Variants in RAP1GAP2 observed in about 807,000 individuals in gnomAD.
RAP1GAP2 encodes RAP1 GTPase activating protein 2.
A neutral mutation model predicts 95.0 loss-of-function variants in RAP1GAP2; 27 were observed. The ratio of observed to expected loss-of-function variants is 0.28; its 90% confidence interval spans 0.21 to 0.39. The LOEUF (loss-of-function observed/expected upper bound fraction) is 0.39. Ranked by LOEUF, RAP1GAP2 falls within the 10% of genes least tolerant of loss-of-function variation. The pLI, the probability that RAP1GAP2 is intolerant of heterozygous loss-of-function variation, is 1.00. For missense variants in RAP1GAP2, 771 were observed against 970.0 expected (o/e 0.79, Z 2.72); for synonymous variants, 373 against 380.9 (o/e 0.98, Z 0.24).
At position 2,965,146 on chromosome 17, in the gene RAP1GAP2, TC is replaced by T. The variant is rs1238759199; in HGVS notation, c.493-393del. ...GCCCCATGGGAATGAGAATGTGGAC[TC>T]GGTATCTTGTGGTTAAGAACTTGCC... On this transcript the variant is annotated intron_variant, in intron 7 of 24. Coordinates refer to ENST00000254695, the MANE Select transcript of RAP1GAP2 (RefSeq NM_015085.5). The surrounding 1 kb of genome is among the most constrained non-coding windows in gnomAD (Gnocchi z 4.7). 4 of 201,748 alleles carry T rather than the reference TC, an allele frequency of 2.0e-5. No homozygotes were observed. The highest frequency in any genetic ancestry group is 3.1e-5 in the Non-Finnish European group (3 of 97,222). 12.5% of individuals were successfully genotyped at this position (201,748 alleles called of 1,614,324 possible).
chr17:3,032,317 C>G, intron 23 of RAP1GAP2, 94 bp from the exon 24 acceptor site: 1 of 1,439,856 alleles, frequency 6.9e-7, no homozygotes, highest in South Asian at 1.2e-5. Context: ...CCTGAGCTCA[C>G]CAGACTGTTG....
chr17:2,853,256 C>A (rs1174770317), intron 2 of RAP1GAP2, among the ~76,000 whole-genome samples: 2 of 151,936 alleles, frequency 1.3e-5, no homozygotes. Flanking sequence ...CGAGCCGGGG[C>A]GGGCGCCGGG....
chr17:3,001,983 T>TG (rs1319416116), intron 14 of RAP1GAP2, among the ~76,000 whole-genome samples: 2 of 151,588 alleles, frequency 1.3e-5, no homozygotes, highest in Admixed American at 1.3e-4. Context: ...TTTTTTTTTT[T>TG]TGAGACAGTC....
intron 8 of RAP1GAP2, among the ~76,000 whole-genome samples, chr17:2,969,496 C>T (rs371849717): frequency 1.0e-3 from 85 of 83,752 alleles, no homozygotes; most frequent in South Asian, 2.0e-3. Context: ...TATATATATT[C>T]TTTTTTTTTT....
intron 19 of RAP1GAP2, among the ~76,000 whole-genome samples, chr17:3,025,593 G>C (rs1010759817): frequency 6.6e-6 from 1 of 152,200 alleles, no homozygotes; most frequent in Non-Finnish European, 1.5e-5. Flanking sequence ...CTTCCCAGGA[G>C]TCCATGTGTA....
intron 2 of RAP1GAP2, among the ~76,000 whole-genome samples, chr17:2,835,251 G>T (rs886486015): frequency 1.3e-5 from 2 of 150,798 alleles, no homozygotes; most frequent in East Asian, 3.9e-4. Context: ...ATGGAGTCTC[G>T]CTCTGTCACC....
intron 1 of RAP1GAP2, among the ~76,000 whole-genome samples, chr17:2,767,253 T>C (rs141324060): frequency 1.2e-4 from 18 of 148,468 alleles, no homozygotes; most frequent in African/African-American, 3.7e-4. Flanking sequence ...TCCCAGCTGC[T>C]TGGGAGGCTG....
chr17:2,877,720 C>T (rs2073147409), intron 2 of RAP1GAP2, among the ~76,000 whole-genome samples: 2 of 152,212 alleles, frequency 1.3e-5, no homozygotes, highest in Non-Finnish European at 2.9e-5. Context: ...CACTGTACTT[C>T]AGCCTGGGTG....
At chr17:2,916,774 T>G (rs1355502899) in intron 3 of RAP1GAP2, among the ~76,000 whole-genome samples, 3 of 151,950 alleles carry the variant, frequency 2.0e-5, no homozygotes, top group Non-Finnish European at 2.9e-5. Flanking sequence ...CCATGATGAG[T>G]GAGATGCAGA....
At position 3,004,587 on chromosome 17, in the gene RAP1GAP2, C is replaced by T. The variant is rs8075275; in HGVS notation, c.1201-782C>T. On this transcript the variant is annotated intron_variant, in intron 14 of 24. Transcript: ENST00000254695. The surrounding 1 kb of genome is among the most constrained non-coding windows in gnomAD (Gnocchi z 4.1). ...GTGTGGGGCCCGTCCCACGCCTGGG[C>T]GACCCCCATGCAGCGAACCTCGAGG... is the stretch of plus-strand genomic sequence containing the variant. Among the ~76,000 whole-genome samples, 18 of 152,242 alleles carry T rather than the reference C, an allele frequency of 1.2e-4. No individual in the cohort carries two copies. The highest frequency in any genetic ancestry group is 2.5e-4 in the Non-Finnish European group (17 of 68,042).
intron 1 of RAP1GAP2, among the ~76,000 whole-genome samples, chr17:2,767,428 T>A (rs913549661): frequency 6.7e-6 from 1 of 149,482 alleles, no homozygotes; most frequent in East Asian, 2.0e-4. Flanking sequence ...AGAAGATACG[T>A]TGTGAAAAGG....
rs536043758 is a variant in RAP1GAP2, at chr17:2,902,913, G to A, written c.81-2371G>A. On this transcript the variant is annotated intron_variant, in intron 2 of 24. Coordinates refer to ENST00000254695, the MANE Select transcript of RAP1GAP2 (RefSeq NM_015085.5). The surrounding 1 kb of genome is among the most constrained non-coding windows in gnomAD (Gnocchi z 4.1). The stretch of plus-strand genomic sequence containing the variant: ...TCATATGTGCCCTGGTGCCATGAGC[G>A]TGGACACCTTGTGCCTGATGGGGAA... 2.6e-5 allele frequency among the ~76,000 whole-genome samples: 4 copies of A among 152,180 alleles called. No individual in the cohort carries two copies. Among genetic ancestry groups the A allele is most frequent in the Non-Finnish European group, 4.4e-5 (3 of 68,042 alleles).
At position 2,991,356 on chromosome 17, in the gene RAP1GAP2, G is replaced by A. The variant is rs2045744144; in HGVS notation, c.873G>A (p.Leu291=). 1 of 1,605,938 alleles carries A rather than the reference G, an allele frequency of 6.2e-7. No homozygotes were observed. ...NEESPAFKEF[L]DLLGDTITLQ... ...AGAGCCCAGCTTTTAAGGAGTTCTT[G>A]GACCTGCTGGGGGACACGATCACAC... The change falls in exon 12 of 25, where the codon TTG becomes TTA. Residue 291 remains leucine, a synonymous_variant. Transcript: ENST00000254695.
At chr17:2,864,483 A>T (rs555164169) in intron 2 of RAP1GAP2, among the ~76,000 whole-genome samples, 1 of 152,154 alleles carries the variant, frequency 6.6e-6, no homozygotes, top group Non-Finnish European at 1.5e-5. Flanking sequence ...TTACACCTCA[A>T]CTTCTAGCTA....
intron 1 of RAP1GAP2, among the ~76,000 whole-genome samples, chr17:2,767,983 C>T (rs185450883): frequency 1.7e-4 from 26 of 152,286 alleles, no homozygotes; most frequent in African/African-American, 5.3e-4. Context: ...CCATCTGCCT[C>T]GGCCTCCCAA....
At chr17:2,891,691 G>C (rs2073721555) in intron 2 of RAP1GAP2, among the ~76,000 whole-genome samples, 1 of 150,832 alleles carries the variant, frequency 6.6e-6, no homozygotes, top group Admixed American at 6.7e-5. Context: ...AGTTTGCCTG[G>C]GTGTGAAATT....
chr17:2,849,376 C>A lies in RAP1GAP2; in HGVS notation c.80+48826C>A, dbSNP rs746608929. 7.2e-4 allele frequency among the ~76,000 whole-genome samples: 109 copies of A among 152,188 alleles called. 2 individuals are homozygous for A. Among genetic ancestry groups the A allele is most frequent in the Non-Finnish European group, 2.6e-4 (18 of 68,026 alleles). On this transcript the variant is annotated intron_variant, in intron 2 of 24. Coordinates refer to ENST00000254695, the MANE Select transcript of RAP1GAP2 (RefSeq NM_015085.5). ...GCTGGGTGGGGCGACGAGGTGGCGTCTGCTGCAGGCTGGCTCTCTGACGAG... is the reference window on the plus strand; with the variant it reads ...GCTGGGTGGGGCGACGAGGTGGCGTATGCTGCAGGCTGGCTCTCTGACGAG...
intron 3 of RAP1GAP2, among the ~76,000 whole-genome samples, chr17:2,954,482 C>T (rs1178632329): frequency 2.0e-5 from 3 of 152,106 alleles, no homozygotes; most frequent in Non-Finnish European, 4.4e-5. Context: ...CTGGGTCATG[C>T]GGGTACAGAG....
chr17:2,928,637 C>T (rs1054922805), intron 3 of RAP1GAP2, among the ~76,000 whole-genome samples: 3 of 152,250 alleles, frequency 2.0e-5, no homozygotes, highest in African/African-American at 4.8e-5. Flanking sequence ...TCCGGCAGGG[C>T]GAGTAAACAG....
Sources: allele counts gnomAD v4.1 joint callset (sites outside exome capture counted in the v4.1 genomes callset), GRCh38; gene constraint gnomAD v4.1.1; non-coding constraint Gnocchi (gnomAD v3.1); transcripts MANE v1.5; gene names NCBI Gene and HGNC (gene_info 2026-07-23, HGNC 2026-07-21).